The following LOC128092250 variants were observed in gnomAD, a reference collection of about 807,000 sequenced individuals.
At chr8:32,647,254 C>T in the LOC128092250 span, 1 of 985,326 alleles carries the variant, frequency 1.0e-6, no homozygotes, top group Non-Finnish European at 1.2e-6. Flanking sequence ...CTGCTGCCGC[C>T]GCCGCCACCG....
the LOC128092250 span, chr8:32,647,267 G>T: frequency 1.0e-6 from 1 of 985,266 alleles, no homozygotes; most frequent in Non-Finnish European, 1.2e-6. Context: ...CGCCACCGCC[G>T]CTGGTCCTCC....
Sources: allele counts gnomAD v4.1 joint callset, GRCh38; gene constraint gnomAD v4.1.1; transcripts MANE v1.5.